Variants in DCAF17 observed in about 807,000 individuals in gnomAD.
DCAF17 encodes the protein DDB1- and CUL4-associated factor 17.
Under a neutral mutation model 66.0 loss-of-function variants are expected in DCAF17, and 48 were observed. That is an observed-to-expected ratio of 0.73 (90% CI 0.58 to 0.92). DCAF17 has a LOEUF of 0.92. Ranked by LOEUF, DCAF17 falls within the 40% of genes least tolerant of loss-of-function variation. The pLI, the probability that DCAF17 is intolerant of heterozygous loss-of-function variation, is 0.00. For missense variants in DCAF17, 562 were observed against 622.8 expected (o/e 0.90, Z 1.04); for synonymous variants, 206 against 214.6 (o/e 0.96, Z 0.35).
chr2:171,469,331 A>G (rs1448426134), intron 9 of DCAF17, among the ~76,000 whole-genome samples: 1 of 152,166 alleles, frequency 6.6e-6, no homozygotes, highest in East Asian at 1.9e-4. Context: ...GGAATCACCA[A>G]TGGAATGTGT....
intron 2 of DCAF17, 91 bp from the exon 3 acceptor site, chr2:171,443,432 C>T (rs1694431792): frequency 5.7e-6 from 6 of 1,052,096 alleles, no homozygotes; most frequent in Admixed American, 1.9e-5. Context: ...CTTGGTATTT[C>T]ACATCTCTGA....
At chr2:171,445,500 G>A (rs886786969) in intron 3 of DCAF17, among the ~76,000 whole-genome samples, 1 of 152,064 alleles carries the variant, frequency 6.6e-6, no homozygotes, top group Non-Finnish European at 1.5e-5. Context: ...AAAACCAGGA[G>A]CATTTTGAAT....
At chr2:171,447,532 T>C (rs977343251) in intron 3 of DCAF17, 4 of 172,992 alleles carry the variant, frequency 2.3e-5, no homozygotes, top group Non-Finnish European at 5.0e-5. Flanking sequence ...AGCTAATTTT[T>C]GTATTTTTTT....
chr2:171,467,119 TA>T (rs1695949517), intron 8 of DCAF17, among the ~76,000 whole-genome samples: 1 of 152,178 alleles, frequency 6.6e-6, no homozygotes, highest in African/African-American at 2.4e-5. Context: ...AACCACTTTT[TA>T]TGAAAGTTGA....
intron 2 of DCAF17, among the ~76,000 whole-genome samples, chr2:171,442,794 TAC>T (rs1382128624): frequency 2.6e-5 from 4 of 151,868 alleles, no homozygotes; most frequent in Middle Eastern, 3.4e-3. Flanking sequence ...GCAGGACAAT[TAC>T]ATGAGCCTGG....
rs1047092141 is a variant in DCAF17, at chr2:171,482,563, G to A, written c.*1449G>A. ...TACTAAAGAAAGAAACCAATGTTGT[G>A]TGAGTTTCAAAGCAGCTGCAATGCT... On this transcript the variant is annotated 3_prime_UTR_variant, in exon 14 of 14. Transcript: ENST00000375255. The A allele has an allele frequency of 2.9e-5, 13 of 454,060 alleles. No homozygotes were observed. Among genetic ancestry groups the A allele is most frequent in the Non-Finnish European group, 3.1e-5 (7 of 226,770 alleles). 28.1% of individuals were successfully genotyped at this position (454,060 alleles called of 1,614,324 possible). A position where few individuals can be genotyped will look rare whatever the true frequency, so the allele number is the denominator to read the frequency against.
At chr2:171,453,939 T>C (rs887531597) in intron 6 of DCAF17, among the ~76,000 whole-genome samples, 1 of 152,214 alleles carries the variant, frequency 6.6e-6, no homozygotes, top group African/African-American at 2.4e-5. Flanking sequence ...TATACTAAAC[T>C]GCATAATGGC....
At position 171,481,303 on chromosome 2, in the gene DCAF17, A is replaced by T. The variant is rs764928097; in HGVS notation, c.*189A>T. On this transcript the variant is annotated 3_prime_UTR_variant, in exon 14 of 14. Transcript: ENST00000375255. ...AGATGGTGAGGACTTCATTTTTTTT[A>T]AAGGTTTTTTAGAATACTGTTCCAA... The T allele has an allele frequency of 1.4e-6, 1 of 735,922 alleles. No individual in the cohort carries two copies. Among genetic ancestry groups the T allele is most frequent in the South Asian group, 1.5e-5 (1 of 67,812 alleles). 45.6% of individuals were successfully genotyped at this position (735,922 alleles called of 1,614,324 possible).
chr2:171,460,942 AT>A (rs953110049), intron 8 of DCAF17, among the ~76,000 whole-genome samples: 10 of 152,200 alleles, frequency 6.6e-5, no homozygotes, highest in Admixed American at 1.3e-4. Flanking sequence ...GTAAAAAAAA[AT>A]AATTCAATGA....
At chr2:171,463,224 T>TAAAAAAAAAA (rs945893879) in intron 8 of DCAF17, among the ~76,000 whole-genome samples, 1 of 137,688 alleles carries the variant, frequency 7.3e-6, no homozygotes, top group African/African-American at 2.7e-5. Flanking sequence ...AGCGAGATTT[T>TAAAAAAAAAA]AAAAAAAAAA....
At chr2:171,476,723 T>C (rs1242789628) in intron 10 of DCAF17, 137 bp from the exon 11 acceptor site, 1 of 655,472 alleles carries the variant, frequency 1.5e-6, no homozygotes, top group Non-Finnish European at 2.8e-6. Context: ...CACTTATTAG[T>C]ATTGTAGACT....
chr2:171,435,999 C>T (rs887774055), intron 2 of DCAF17, among the ~76,000 whole-genome samples: 2 of 152,182 alleles, frequency 1.3e-5, no homozygotes, highest in African/African-American at 4.8e-5. Flanking sequence ...ACCACCATTA[C>T]CCTCAGCCCT....
chr2:171,479,817 A>G (rs568473548), intron 12 of DCAF17: 1 of 501,958 alleles, frequency 2.0e-6, no homozygotes, highest in East Asian at 3.8e-5. Context: ...GGTTTTGTTT[A>G]TCAAATCTGT....
intron 2 of DCAF17, among the ~76,000 whole-genome samples, chr2:171,435,731 C>A (rs1006396024): frequency 1.3e-5 from 2 of 152,168 alleles, no homozygotes; most frequent in African/African-American, 4.8e-5. Flanking sequence ...TTTGCTTTAT[C>A]TAACCCACTT....
intron 2 of DCAF17, among the ~76,000 whole-genome samples, chr2:171,439,655 G>A (rs1331977080): frequency 1.3e-5 from 2 of 151,826 alleles, no homozygotes; most frequent in Non-Finnish European, 2.9e-5. Flanking sequence ...GTGACTGGGT[G>A]CGGAGGCTCA....
chr2:171,458,575 T>TA, intron 8 of DCAF17, 98 bp downstream of exon 8: 1 of 978,086 alleles, frequency 1.0e-6, no homozygotes, highest in South Asian at 1.4e-5. Context: ...CTCATTTATT[T>TA]AAAAAACTCA....
chr2:171,449,223 G>A (rs1198988336), intron 4 of DCAF17, among the ~76,000 whole-genome samples: 6 of 152,168 alleles, frequency 3.9e-5, no homozygotes. Flanking sequence ...GGCCAGGCTG[G>A]TCTCAAACTC....
At chr2:171,463,076 C>T (rs1275918047) in intron 8 of DCAF17, among the ~76,000 whole-genome samples, 1 of 151,870 alleles carries the variant, frequency 6.6e-6, no homozygotes, top group Non-Finnish European at 1.5e-5. Context: ...ACTAAAAATA[C>T]AAAAATTAGT....
intron 3 of DCAF17, among the ~76,000 whole-genome samples, chr2:171,444,404 GGAAAATTTTACACCTGC>G (rs1694496503): frequency 6.6e-6 from 1 of 151,940 alleles, no homozygotes; most frequent in African/African-American, 2.4e-5. Context: ...CGCCACAAGT[GGAAAATTTTACACCTGC>G]CCTCATGTGA....
Sources: allele counts gnomAD v4.1 joint callset (sites outside exome capture counted in the v4.1 genomes callset), GRCh38; gene constraint gnomAD v4.1.1; transcripts MANE v1.5; gene names NCBI Gene and HGNC (gene_info 2026-07-23, HGNC 2026-07-21).